Variants in PCDHA12 observed in about 807,000 individuals in gnomAD.
The protein encoded by PCDHA12 is protocadherin alpha-12.
Under a neutral mutation model 60.0 loss-of-function variants are expected in PCDHA12, and 44 were observed. The ratio of observed to expected loss-of-function variants is 0.73; its 90% CI spans 0.58 to 0.94. The LOEUF (loss-of-function observed/expected upper bound fraction) is 0.94, where lower values mean the gene tolerates loss of function less well. Ranked by LOEUF, PCDHA12 falls within the 40% of genes least tolerant of loss-of-function variation. The pLI is 0.00. For missense variants in PCDHA12, 1,276 were observed against 1,239.7 expected, an observed-to-expected ratio of 1.03 and a Z score of -0.44; for synonymous variants, 569 against 553.0, an observed-to-expected ratio of 1.03 and a Z score of -0.40.
At chr5:140,884,148 A>G in intron 1 of PCDHA12, 3 of 1,613,432 alleles carry the variant, frequency 1.9e-6, no homozygotes, top group Non-Finnish European at 2.5e-6. Context: ...GTGGGGCTGT[A>G]CACTGGCGAG....
intron 1 of PCDHA12, among the ~76,000 whole-genome samples, chr5:140,902,203 C>CTTTT (rs148688132): frequency 2.0e-4 from 25 of 124,426 alleles, no homozygotes; most frequent in African/African-American, 2.5e-4. Flanking sequence ...CTCTCTCTTT[C>CTTTT]TTTTTTTTTT....
intron 1 of PCDHA12, among the ~76,000 whole-genome samples, chr5:140,961,726 A>ACAAT (rs1470566144): frequency 1.4e-4 from 21 of 152,270 alleles, no homozygotes; most frequent in African/African-American, 4.8e-4. Flanking sequence ...GTGCTCATAA[A>ACAAT]CAATCACTTT....
At position 141,010,458 on chromosome 5, in the gene PCDHA12, T is replaced by C. The variant is rs2098417373; in HGVS notation, c.*521T>C. The C allele has an allele frequency of 1.1e-6, 1 of 871,194 alleles. No individual in the cohort carries two copies. The highest frequency in any genetic ancestry group is 1.7e-6 in the Non-Finnish European group (1 of 592,130). 54.0% of individuals were successfully genotyped at this position (871,194 alleles called of 1,614,324 possible). On this transcript the variant is annotated 3_prime_UTR_variant, in exon 4 of 4. Coordinates refer to ENST00000398631, the MANE Select transcript of PCDHA12 (RefSeq NM_018903.4). ...AAAGACAAATAAACAGCGGAAGTTA[T>C]CAGTATGGAGGGGAAGTGTAAACTT...
chr5:140,967,487 G>A lies in PCDHA12; in HGVS notation c.2368-11462G>A, dbSNP rs781929483. 60 of 1,613,172 alleles carry A rather than the reference G, an allele frequency of 3.7e-5. No individual in the cohort carries two copies. The highest frequency in any genetic ancestry group is 5.0e-5 in the Non-Finnish European group (59 of 1,179,674). ...GGGCATCCCAGCCCGCTCGGGTACG[G>A]CACAGATCTCTGTGCGTGTCCTGGA... On this transcript the variant is annotated intron_variant, in intron 1 of 3. Coordinates refer to ENST00000398631, the MANE Select transcript of PCDHA12 (RefSeq NM_018903.4).
chr5:140,905,722 T>A (rs1326323051), intron 1 of PCDHA12, among the ~76,000 whole-genome samples: 1 of 152,206 alleles, frequency 6.6e-6, no homozygotes, highest in Non-Finnish European at 1.5e-5. Context: ...AGCAGTGTTT[T>A]GTAGTTTTCC....
chr5:140,916,706 G>A (rs1179319029), intron 1 of PCDHA12, among the ~76,000 whole-genome samples: 1 of 152,200 alleles, frequency 6.6e-6, no homozygotes, highest in Admixed American at 6.5e-5. Flanking sequence ...TCCTTAAGCA[G>A]AAGGAAGGAG....
At chr5:140,988,571 C>T (rs1438476188) in intron 3 of PCDHA12, among the ~76,000 whole-genome samples, 7 of 152,168 alleles carry the variant, frequency 4.6e-5, no homozygotes, top group Non-Finnish European at 1.0e-4. Flanking sequence ...TGGGAAAACA[C>T]TCTGTACCTT....
intron 1 of PCDHA12, among the ~76,000 whole-genome samples, chr5:140,939,296 C>T (rs2153640792): frequency 6.6e-6 from 1 of 152,210 alleles, no homozygotes; most frequent in South Asian, 2.1e-4. Flanking sequence ...CTAATCATCT[C>T]TACAAAAGCC....
chr5:140,914,262 G>A (rs1583899691), intron 1 of PCDHA12, among the ~76,000 whole-genome samples: 1 of 152,008 alleles, frequency 6.6e-6, no homozygotes, highest in Non-Finnish European at 1.5e-5. Flanking sequence ...CTTCAATGGT[G>A]GGTGCATATA....
chr5:140,987,805 C>T (rs2097269328), intron 3 of PCDHA12, among the ~76,000 whole-genome samples: 3 of 152,140 alleles, frequency 2.0e-5, no homozygotes. Flanking sequence ...TTTAAAGTGC[C>T]TGTCTCTTTG....
rs1562723002 is a variant in PCDHA12, at chr5:140,876,958, G to C, written c.1486G>C (p.Glu496Gln). 3 of 1,613,288 alleles carry C rather than the reference G, an allele frequency of 1.9e-6. No individual in the cohort carries two copies. The East Asian group carries it at 6.7e-5, about 36-fold the overall frequency. Residue 496 changes from glutamate (E) to glutamine (Q), a missense_variant, in exon 1 of 4, where the codon GAG (glutamate) becomes CAG (glutamine). Transcript: ENST00000398631. ...CGCGCTGGTGTCCTACTCGCTGGTG[G>C]AGCGGCGGGTGGGCGAGCACGCACT... Reference protein sequence around the residue: ...KNALVSYSLVERRVGEHALSS... With the variant: ...KNALVSYSLVQRRVGEHALSS...
At chr5:140,987,223 A>C (rs1269747690) in intron 3 of PCDHA12, among the ~76,000 whole-genome samples, 1 of 151,456 alleles carries the variant, frequency 6.6e-6, no homozygotes, top group African/African-American at 2.4e-5. Flanking sequence ...CAAAAAAAAA[A>C]AAAATAATAA....
intron 1 of PCDHA12, chr5:140,882,641 G>A (rs1464189390): frequency 6.2e-7 from 1 of 1,614,104 alleles, no homozygotes; most frequent in Non-Finnish European, 8.5e-7. Context: ...GAAGGTGAGG[G>A]ACATTAACGA....
At chr5:140,885,930 AT>A (rs1188534786) in intron 1 of PCDHA12, among the ~76,000 whole-genome samples, 9 of 152,222 alleles carry the variant, frequency 5.9e-5, no homozygotes, top group Admixed American at 5.9e-4. Context: ...CTGTTTATCT[AT>A]TTTTTGACAT....
intron 1 of PCDHA12, chr5:140,968,630 TA>T: frequency 6.2e-7 from 1 of 1,614,192 alleles, no homozygotes; most frequent in Non-Finnish European, 8.5e-7. Flanking sequence ...TTGGCTTTTT[TA>T]CCATCTAGCC....
chr5:140,936,831 A>T lies in PCDHA12; in HGVS notation c.2368-42118A>T, dbSNP rs142448727. 3.1e-3 allele frequency among the ~76,000 whole-genome samples: 478 copies of T among 152,252 alleles called. 2 individuals are homozygous for T. Among genetic ancestry groups the T allele is most frequent in the African/African-American group, 0.011 (455 of 41,554 alleles). Reference sequence around the variant, plus strand: ...GCTATTTTTGGCCCTTTGCATTTCTATATAAATTGTAGATTCAGCTTCTCA... The same window carrying T: ...GCTATTTTTGGCCCTTTGCATTTCTTTATAAATTGTAGATTCAGCTTCTCA... On this transcript the variant is annotated intron_variant, in intron 1 of 3. Transcript: ENST00000398631.
At chr5:140,942,311 G>A (rs781987580) in intron 1 of PCDHA12, among the ~76,000 whole-genome samples, 1 of 152,004 alleles carries the variant, frequency 6.6e-6, no homozygotes, top group Non-Finnish European at 1.5e-5. Flanking sequence ...TTGGGAGGTC[G>A]AGGCACAAGA....
At chr5:140,946,573 A>C (rs1272286008) in intron 1 of PCDHA12, among the ~76,000 whole-genome samples, 1 of 147,140 alleles carries the variant, frequency 6.8e-6, no homozygotes, top group African/African-American at 2.6e-5. Flanking sequence ...GAATCAACTT[A>C]GGTGTTCATA....
chr5:140,968,405 G>A, intron 1 of PCDHA12: 1 of 1,614,002 alleles, frequency 6.2e-7, no homozygotes, highest in Non-Finnish European at 8.5e-7. Flanking sequence ...GGAGTTCTTT[G>A]TGACTGTGGA....
Sources: gnomAD v4.1 joint callset for allele counts (sites outside exome capture counted in the v4.1 genomes callset) on GRCh38, gnomAD v4.1.1 for gene constraint, MANE v1.5 for transcripts, NCBI Gene and HGNC (gene_info 2026-07-23, HGNC 2026-07-21) for gene names.